The following TUT4 variants were observed in gnomAD, a reference collection of about 807,000 sequenced individuals.
The protein encoded by TUT4 is terminal uridylyltransferase 4.
A neutral mutation model predicts 192.2 loss-of-function variants in TUT4; 36 were observed. The ratio of observed to expected loss-of-function variants is 0.19; its 90% CI spans 0.14 to 0.25. The LOEUF is 0.25. Ranked by LOEUF, TUT4 falls within the 10% of genes least tolerant of loss-of-function variation. The pLI is 1.00. For missense variants in TUT4, 1,493 were observed against 1,957.2 expected (o/e 0.76, Z 4.47); for synonymous variants, 618 against 666.0 (o/e 0.93, Z 1.11).
At chr1:52,435,673 GA>G (rs969264667) in intron 26 of TUT4, among the ~76,000 whole-genome samples, 2 of 151,830 alleles carry the variant, frequency 1.3e-5, no homozygotes, top group South Asian at 4.2e-4. Context: ...AGCAGATCAA[GA>G]AAAAAAATAA....
chr1:52,544,774 A>C lies in TUT4; in HGVS notation c.-94+8157T>G, dbSNP rs75030405. On this transcript the variant is annotated intron_variant, in intron 1 of 29. Coordinates refer to ENST00000257177, the MANE Select transcript of TUT4 (RefSeq NM_001009881.3). ...CTATCAACTGAGTAAAATGGTGGCC[A>C]GGCTAGGCATGGTGGCTCACACCTA... is the stretch of plus-strand genomic sequence containing the variant. 1.6e-4 allele frequency among the ~76,000 whole-genome samples: 25 copies of C among 152,260 alleles called. No individual in the cohort carries two copies. In the East Asian group the frequency reaches 4.8e-3, roughly 29 times the overall value.
intron 1 of TUT4, among the ~76,000 whole-genome samples, chr1:52,529,318 A>C (rs1306901338): frequency 3.3e-5 from 5 of 152,212 alleles, no homozygotes; most frequent in South Asian, 2.1e-4. Flanking sequence ...ATTTTTATAC[A>C]TATGAATTTG....
intron 8 of TUT4, among the ~76,000 whole-genome samples, chr1:52,489,786 C>T (rs10493168): frequency 0.087 from 13,240 of 152,210 alleles, 736 homozygotes; most frequent in East Asian, 0.2. Context: ...AACTGATAAA[C>T]CACTCCAGGT....
chr1:52,483,566 T>C (rs948555879), intron 9 of TUT4, among the ~76,000 whole-genome samples: 6 of 152,258 alleles, frequency 3.9e-5, no homozygotes, highest in Middle Eastern at 3.4e-3. Context: ...ATCCCAGCAC[T>C]TTGGGAGGCA....
intron 4 of TUT4, among the ~76,000 whole-genome samples, chr1:52,501,087 A>G (rs1571009698): frequency 6.6e-6 from 1 of 152,264 alleles, no homozygotes; most frequent in African/African-American, 2.4e-5. Flanking sequence ...CATAGGCAAC[A>G]AAAGTAAAAG....
At chr1:52,473,620 A>G (rs192366854) in intron 13 of TUT4, among the ~76,000 whole-genome samples, 132 of 152,336 alleles carry the variant, frequency 8.7e-4, no homozygotes, top group African/African-American at 3.0e-3. Context: ...ATACTATTTA[A>G]TAATTAGGTT....
chr1:52,440,433 GTTTTTTTT>G (rs908687717), intron 24 of TUT4, among the ~76,000 whole-genome samples: 6 of 110,186 alleles, frequency 5.4e-5, no homozygotes, highest in African/African-American at 1.9e-4. Context: ...CCCATCCTGT[GTTTTTTTT>G]TTTTTTTTTT....
intron 1 of TUT4, among the ~76,000 whole-genome samples, chr1:52,527,063 A>G (rs1371223485): frequency 1.3e-5 from 2 of 152,108 alleles, no homozygotes; most frequent in African/African-American, 2.4e-5. Flanking sequence ...TGTGCTATAA[A>G]TGAATCCGTT....
chr1:52,454,361 T>C (rs908701640), intron 20 of TUT4, among the ~76,000 whole-genome samples: 9 of 152,158 alleles, frequency 5.9e-5, no homozygotes, highest in African/African-American at 2.2e-4. Context: ...GAGTATGGCA[T>C]TGGTGAAATA....
Position 52,490,735 on chromosome 1 carries a change from T to C in TUT4, c.1385A>G (p.Lys462Arg), listed in dbSNP as rs1557831064. ...TTTTATCTTCATTGTTACCAACCTT[T>C]TTCGATCTCTGCACACCACAACAGG... is the stretch of plus-strand genomic sequence containing the variant. ...KVPVVVCRDR[K>R]SGLLCRVSAG... Residue 462 changes from lysine to arginine, a missense_variant, in exon 8 of 30, where the codon AAA (lysine) becomes AGA (arginine). Lys to Arg is a conservative substitution (Grantham distance 26). This residue lies in a region of TUT4 where 437 missense variants were observed against 577.6 expected (regional missense o/e 0.76). Transcript: ENST00000257177. The C allele has an allele frequency of 1.9e-6, 3 of 1,608,534 alleles. No homozygotes were observed. The East Asian group carries it at 6.7e-5, about 36-fold the overall frequency.
At chr1:52,446,803 G>A in intron 20 of TUT4, 136 bp from the exon 21 acceptor site, 9 of 600,206 alleles carry the variant, frequency 1.5e-5, no homozygotes, top group South Asian at 2.8e-5. Context: ...TCAGGATGAT[G>A]GTATAATTTG....
chr1:52,542,670 C>T (rs1372322307), intron 1 of TUT4, among the ~76,000 whole-genome samples: 2 of 152,160 alleles, frequency 1.3e-5, no homozygotes, highest in African/African-American at 2.4e-5. Context: ...CTACAGTAGA[C>T]ATCATACTCA....
chr1:52,462,565 T>TA lies in TUT4; in HGVS notation c.3070-797dup, dbSNP rs562667960. On this transcript the variant is annotated intron_variant, in intron 16 of 29. Coordinates refer to ENST00000257177, the MANE Select transcript of TUT4 (RefSeq NM_001009881.3). Reference sequence around the variant, plus strand: ...CTCTGAGCATTACATTACTATTCTATAAAATCAAGATAATCATAAACTCCT... The same window carrying TA: ...CTCTGAGCATTACATTACTATTCTATAAAAATCAAGATAATCATAAACTCCT... The TA allele has an allele frequency of 1.4e-3, 331 of 242,474 alleles. 4 individuals carry two copies. Among genetic ancestry groups the TA allele is most frequent in the African/African-American group, 7.1e-3 (307 of 43,152 alleles). The allele number at this position is 242,474 out of a possible 1,614,324, so 15.0% of individuals were successfully genotyped here. A position where few individuals can be genotyped will look rare whatever the true frequency, so the allele number is the denominator to read the frequency against.
intron 3 of TUT4, among the ~76,000 whole-genome samples, chr1:52,512,435 A>C (rs1023147333): frequency 6.6e-6 from 1 of 152,220 alleles, no homozygotes; most frequent in African/African-American, 2.4e-5. Context: ...AATTTAAATA[A>C]TTTATCCAAG....
chr1:52,474,776 A>T, intron 13 of TUT4, 56 bp downstream of exon 13: 1 of 1,397,524 alleles, frequency 7.2e-7, no homozygotes, highest in Non-Finnish European at 9.6e-7. Flanking sequence ...TAAAAAATAT[A>T]CATAGTCATA....
At chr1:52,444,097 G>A (rs962223692) in intron 24 of TUT4, among the ~76,000 whole-genome samples, 14 of 152,198 alleles carry the variant, frequency 9.2e-5, no homozygotes, top group South Asian at 2.1e-4. Context: ...TTAGCTGGGC[G>A]TGGTGTCGGG....
At chr1:52,443,817 T>C (rs945331786) in intron 24 of TUT4, among the ~76,000 whole-genome samples, 2 of 152,172 alleles carry the variant, frequency 1.3e-5, no homozygotes, top group Non-Finnish European at 2.9e-5. Context: ...GTGAGGTTCC[T>C]ACTGAACATA....
intron 20 of TUT4, among the ~76,000 whole-genome samples, chr1:52,447,141 T>A (rs6680054): frequency 0.17 from 25,722 of 152,118 alleles, 4,613 homozygotes; most frequent in African/African-American, 0.46. Flanking sequence ...GCAATTGGAC[T>A]ATCATTTTGT....
chr1:52,553,364 G>C (rs1239037547), upstream of TUT4: 31 of 152,042 alleles, frequency 2.0e-4, no homozygotes, highest in Admixed American at 2.0e-3. Context: ...AGCACTGGGG[G>C]GAGGGGTCTC....
Sources: gnomAD v4.1 joint callset for allele counts (sites outside exome capture counted in the v4.1 genomes callset) on GRCh38, gnomAD v4.1.1 for gene constraint, gnomAD v4.1.1 regional missense constraint, MANE v1.5 for transcripts, NCBI Gene and HGNC (gene_info 2026-07-23, HGNC 2026-07-21) for gene names.